Variants in SGCE observed in about 807,000 individuals in gnomAD.
The protein encoded by SGCE is epsilon-sarcoglycan.
SGCE carries 26 observed loss-of-function variants against 57.8 expected under a neutral mutation model. The ratio of observed to expected loss-of-function variants is 0.45; its 90% CI spans 0.33 to 0.62. The LOEUF (loss-of-function observed/expected upper bound fraction) is 0.62, where lower values mean the gene tolerates loss of function less well. SGCE is among the 20% of genes least tolerant of loss of function. The probability of loss-of-function intolerance (pLI) is 0.02; values close to 1 mark genes in which losing one functional copy is unlikely to be tolerated. For missense variants in SGCE, 468 were observed against 548.6 expected, an observed-to-expected ratio of 0.85 and a Z score of 1.47; for synonymous variants, 183 against 189.5, an observed-to-expected ratio of 0.97 and a Z score of 0.28.
intron 6 of SGCE, among the ~76,000 whole-genome samples, chr7:94,601,128 G>C (rs891118741): frequency 6.6e-6 from 1 of 151,950 alleles, no homozygotes; most frequent in African/African-American, 2.4e-5. Flanking sequence ...TAACGTGTGT[G>C]CCTATACGTG....
intron 1 of SGCE, among the ~76,000 whole-genome samples, chr7:94,650,312 C>A (rs1356150835): frequency 6.6e-6 from 1 of 152,210 alleles, no homozygotes; most frequent in Admixed American, 6.5e-5. Context: ...CAGCAGCCAG[C>A]CTGCCCCCTC....
chr7:94,614,930 A>G (rs1340447827), intron 5 of SGCE, among the ~76,000 whole-genome samples: 3 of 152,202 alleles, frequency 2.0e-5, no homozygotes, highest in Admixed American at 6.5e-5. Flanking sequence ...CATTGACTTC[A>G]TTTGTTTTTT....
intron 3 of SGCE, chr7:94,624,184 T>C (rs1460679141): frequency 5.1e-6 from 2 of 388,996 alleles, no homozygotes; most frequent in East Asian, 3.6e-5. Context: ...AAAAAACAAA[T>C]GATTGTGTCA....
At chr7:94,602,289 G>A (rs781651953) in intron 6 of SGCE, among the ~76,000 whole-genome samples, 16 of 152,202 alleles carry the variant, frequency 1.1e-4, no homozygotes, top group South Asian at 2.1e-4. Flanking sequence ...GATTTAGGAA[G>A]GCAAAGAAGG....
intron 9 of SGCE, chr7:94,597,338 A>G (rs1798545858): frequency 6.6e-6 from 1 of 152,202 alleles, no homozygotes; most frequent in Admixed American, 6.5e-5. Flanking sequence ...AAAAATATTC[A>G]TAATACTTTT....
chr7:94,613,700 A>G (rs1195979984), intron 5 of SGCE, among the ~76,000 whole-genome samples: 1 of 152,192 alleles, frequency 6.6e-6, no homozygotes, highest in Non-Finnish European at 1.5e-5. Context: ...AGCCAAATAT[A>G]TGGATCCAAT....
chr7:94,644,553 C>A, intron 1 of SGCE: 2 of 766,434 alleles, frequency 2.6e-6, no homozygotes, highest in Non-Finnish European at 1.9e-6. Context: ...CATCACTGTC[C>A]AAGTAAACAG....
intron 1 of SGCE, among the ~76,000 whole-genome samples, chr7:94,640,429 TTTCACCATCC>T (rs1806220932): frequency 6.6e-6 from 1 of 152,110 alleles, no homozygotes; most frequent in South Asian, 2.1e-4. Context: ...TGATCCTGTT[TTTCACCATCC>T]AAACTGCCAA....
chr7:94,644,655 C>T lies in SGCE; in HGVS notation c.109+11335G>A, dbSNP rs767388763. The T allele has an allele frequency of 1.9e-5, 25 of 1,285,706 alleles. 1 individual carries two copies. In the African/African-American group the frequency reaches 3.8e-4, roughly 20 times the overall value. 79.6% of individuals were successfully genotyped at this position (1,285,706 alleles called of 1,614,324 possible). ...TCTCTGTCCACTACTTCATTTGTCT[C>T]TTTCATATTCCACTGTAAGGGGGAT... On this transcript the variant is annotated intron_variant, in intron 1 of 10. Transcript: ENST00000648936.
chr7:94,600,327 C>T (rs750638697), intron 7 of SGCE: 12 of 301,510 alleles, frequency 4.0e-5, no homozygotes, highest in Non-Finnish European at 6.9e-5. Context: ...TCAGTAGATT[C>T]TGCAGTCTCT....
At chr7:94,629,356 T>C (rs554018384) in intron 2 of SGCE, 89 of 200,848 alleles carry the variant, frequency 4.4e-4, no homozygotes, top group Admixed American at 2.1e-3. Context: ...CATTCTCCTC[T>C]ACAACATATG....
chr7:94,656,017 C>T lies in SGCE; in HGVS notation c.82G>A (p.Ala28Thr). 7 of 1,611,956 alleles carry T rather than the reference C, an allele frequency of 4.3e-6. No individual in the cohort carries two copies. Among genetic ancestry groups the T allele is most frequent in the Non-Finnish European group, 5.9e-6 (7 of 1,178,298 alleles). Residue 28 changes from alanine to threonine, a missense_variant, in exon 1 of 11, where the codon GCG (alanine) becomes ACG (threonine). Physicochemically the swap from Ala to Thr is moderately conservative, Grantham distance 58. Transcript: ENST00000648936. ...GTCAGCAAGAATGTGCCAGTGGTCG[C>T]GGGGCTCATCCTGCGTGTCCCCCGA... ...QGRGTRRMSP[A>T]TTGTFLLTVY...
chr7:94,637,829 A>G (rs1241103991), intron 1 of SGCE, among the ~76,000 whole-genome samples: 3 of 152,218 alleles, frequency 2.0e-5, no homozygotes, highest in African/African-American at 7.2e-5. Flanking sequence ...TGAAGTCCAG[A>G]GGAAGAGTCT....
chr7:94,608,816 T>C (rs1349458914), intron 5 of SGCE, among the ~76,000 whole-genome samples: 1 of 152,144 alleles, frequency 6.6e-6, no homozygotes, highest in Non-Finnish European at 1.5e-5. Context: ...GGCAATACAA[T>C]GGAGGAAAGA....
intron 1 of SGCE, among the ~76,000 whole-genome samples, chr7:94,636,115 C>T (rs1285139820): frequency 1.3e-5 from 2 of 152,102 alleles, no homozygotes; most frequent in Non-Finnish European, 2.9e-5. Flanking sequence ...TGATATTTTC[C>T]CCAACTAAAA....
At position 94,603,399 on chromosome 7, in the gene SGCE, A is replaced by C; in HGVS notation, c.716T>G (p.Val239Gly). The part of the protein sequence containing the change: ...DVPFSSCLRE[V>G]ENPQNQLRCS... ...TCTCAATTGATTCTGTGGATTTTCAACTTCTCGTAAACAAGAAGAAAACGG... is the reference window on the plus strand; with the variant it reads ...TCTCAATTGATTCTGTGGATTTTCACCTTCTCGTAAACAAGAAGAAAACGG... Residue 239 changes from valine to glycine, a missense_variant, in exon 6 of 11, where the codon GTT (valine) becomes GGT (glycine). By Grantham distance (109) the Val-to-Gly change is moderately radical. Coordinates refer to ENST00000648936, the MANE Select transcript of SGCE (RefSeq NM_003919.3). 1 of 1,613,200 alleles carries C rather than the reference A, an allele frequency of 6.2e-7. No individual in the cohort carries two copies. Among genetic ancestry groups the C allele is most frequent in the South Asian group, 1.1e-5 (1 of 91,056 alleles).
chr7:94,650,953 A>AT (rs1807789240), intron 1 of SGCE, among the ~76,000 whole-genome samples: 1 of 152,204 alleles, frequency 6.6e-6, no homozygotes, highest in African/African-American at 2.4e-5. Flanking sequence ...AAGTTGTCTA[A>AT]TTTGTCAAAA....
chr7:94,624,020 G>A (rs1803274583), intron 3 of SGCE: 2 of 392,888 alleles, frequency 5.1e-6, no homozygotes, highest in South Asian at 1.4e-4. Flanking sequence ...AGAGCCAATA[G>A]ACTTACATCA....
At position 94,599,090 on chromosome 7, in the gene SGCE, A is replaced by C. The variant is rs1262924247; in HGVS notation, c.1065-127T>G. On this transcript the variant is annotated intron_variant, in intron 8 of 10. Coordinates refer to ENST00000648936, the MANE Select transcript of SGCE (RefSeq NM_003919.3). ...AATAAGACATTATGGCACTTTGGGC[A>C]TTCAATAAACTATTTCAGAAAGGCA... 7.4e-6 allele frequency: 5 copies of C among 671,390 alleles called. No homozygotes were observed. In the South Asian group the frequency reaches 9.9e-5, roughly 13 times the overall value. 41.6% of individuals were successfully genotyped at this position (671,390 alleles called of 1,614,324 possible). A position where few individuals can be genotyped will look rare whatever the true frequency, so the allele number is the denominator to read the frequency against.
Sources: gnomAD v4.1 joint callset for allele counts (sites outside exome capture counted in the v4.1 genomes callset) on GRCh38, gnomAD v4.1.1 for gene constraint, MANE v1.5 for transcripts, NCBI Gene and HGNC (gene_info 2026-07-23, HGNC 2026-07-21) for gene names.